RNF24: variants seen among roughly 807,000 people sequenced by gnomAD.
The protein encoded by RNF24 is ring finger protein 24.
Under a neutral mutation model 20.0 loss-of-function variants are expected in RNF24, and 14 were observed. That is an observed-to-expected ratio of 0.70 (90% CI 0.46 to 1.10). RNF24 has a LOEUF of 1.10. RNF24 is among the 50% of genes least tolerant of loss of function. RNF24 has a pLI of 0.00. For missense variants in RNF24, 124 were observed against 177.6 expected (o/e 0.70, Z 1.71); for synonymous variants, 45 against 61.1 (o/e 0.74, Z 1.23).
intron 2 of RNF24, among the ~76,000 whole-genome samples, chr20:3,963,268 C>T (rs746400182): frequency 2.0e-5 from 3 of 152,242 alleles, no homozygotes; most frequent in Non-Finnish European, 4.4e-5. Flanking sequence ...TCTTGGCTCA[C>T]TGCAACCTCC....
chr20:4,003,633 CTTTTTTTTT>C lies in RNF24; in HGVS notation c.-8+11795_-8+11803del, dbSNP rs377227990. ...TTTTGAAGGCCCATGTTAGAAACTC[CTTTTTTTTT>C]TTTTTTTTTTTTTTTTTTGAGACAG... On this transcript the variant is annotated intron_variant, in intron 1 of 5. Transcript: ENST00000358395. Among the ~76,000 whole-genome samples, 41 of 84,424 alleles carry C rather than the reference CTTTTTTTTT, an allele frequency of 4.9e-4. 1 individual carries two copies. The highest frequency in any genetic ancestry group is 1.9e-3 in the South Asian group (4 of 2,098). 55.4% of individuals were successfully genotyped at this position (84,424 alleles called of 152,430 possible).
rs572403463 is a variant in RNF24 at position 3,994,613 on chromosome 20, T to C, written c.-8+20824A>G. ...TTGGTAGCATAAAGTTGCTGAACTG[T>C]CAGTGATCCTAATTCAAAACCAAAC... On this transcript the variant is annotated intron_variant, in intron 1 of 5. Coordinates refer to ENST00000358395, the MANE Select transcript of RNF24 (RefSeq NM_001134337.3). Among the ~76,000 whole-genome samples, 20 of 152,302 alleles carry C rather than the reference T, an allele frequency of 1.3e-4. 1 individual carries two copies. The East Asian group carries it at 2.9e-3, about 22-fold the overall frequency.
chr20:3,954,237 C>T (rs557444978), intron 2 of RNF24, among the ~76,000 whole-genome samples: 10 of 152,150 alleles, frequency 6.6e-5, no homozygotes, highest in Non-Finnish European at 1.3e-4. Context: ...TCACTGATCA[C>T]TCCCCATTAC....
At chr20:3,950,460 T>A (rs956771281) in intron 2 of RNF24, among the ~76,000 whole-genome samples, 7 of 152,130 alleles carry the variant, frequency 4.6e-5, no homozygotes, top group African/African-American at 1.7e-4. Context: ...CAAGAAAGAC[T>A]CTCTCCTAGA....
Position 3,933,488 on chromosome 20 carries a change from T to C in RNF24, c.*575A>G, listed in dbSNP as rs1600613937. 3.7e-6 allele frequency: 1 copy of C among 271,234 alleles called. No homozygotes were observed. The highest frequency in any genetic ancestry group is 6.4e-5 in the East Asian group (1 of 15,554). 16.8% of individuals were successfully genotyped at this position (271,234 alleles called of 1,614,324 possible). A position where few individuals can be genotyped will look rare whatever the true frequency, so the allele number is the denominator to read the frequency against. ...AGCTTAGATGATTTGATAGCAGGTG[T>C]TGTAATCCTGAGGGGGAAATGGGTG... is the stretch of plus-strand genomic sequence containing the variant. On this transcript the variant is annotated 3_prime_UTR_variant, in exon 6 of 6. Transcript: ENST00000358395.
At chr20:3,989,584 C>G (rs1032855326) in intron 1 of RNF24, among the ~76,000 whole-genome samples, 6 of 152,158 alleles carry the variant, frequency 3.9e-5, no homozygotes, top group African/African-American at 1.4e-4. Flanking sequence ...TTGTTGTTTA[C>G]CAAATATTTT....
At chr20:3,988,268 G>A (rs1401812161) in intron 1 of RNF24, among the ~76,000 whole-genome samples, 1 of 152,006 alleles carries the variant, frequency 6.6e-6, no homozygotes, top group Non-Finnish European at 1.5e-5. Flanking sequence ...ATGCTGCAGT[G>A]AGCCGTGATC....
chr20:4,008,969 TA>T (rs1054876410), intron 1 of RNF24, among the ~76,000 whole-genome samples: 1 of 152,148 alleles, frequency 6.6e-6, no homozygotes, highest in African/African-American at 2.4e-5. Flanking sequence ...GGTGAGTAAT[TA>T]AAAAACATGG....
intron 1 of RNF24, among the ~76,000 whole-genome samples, chr20:4,006,446 T>A (rs1444067792): frequency 6.6e-6 from 1 of 150,634 alleles, no homozygotes; most frequent in Admixed American, 6.6e-5. Flanking sequence ...ATTCAAATGA[T>A]CAAAACTTTA....
intron 2 of RNF24, among the ~76,000 whole-genome samples, chr20:3,949,084 A>C (rs1295809580): frequency 1.3e-5 from 2 of 152,230 alleles, no homozygotes; most frequent in African/African-American, 4.8e-5. Context: ...GCTGGTTCAA[A>C]GTACTCACAC....
chr20:3,988,457 C>CTTT (rs71195876), intron 1 of RNF24, among the ~76,000 whole-genome samples: 3 of 99,668 alleles, frequency 3.0e-5, no homozygotes, highest in African/African-American at 8.0e-5. Context: ...AAAAGAAACT[C>CTTT]TTTTTTTTTT....
intron 1 of RNF24, among the ~76,000 whole-genome samples, chr20:3,971,709 CAT>C (rs750007280): frequency 5.3e-5 from 8 of 152,074 alleles, no homozygotes; most frequent in Non-Finnish European, 1.2e-4. Flanking sequence ...TATACAAAGA[CAT>C]ACACTCAAAA....
intron 2 of RNF24, among the ~76,000 whole-genome samples, chr20:3,955,058 G>T (rs2091127138): frequency 6.6e-6 from 1 of 152,084 alleles, no homozygotes; most frequent in Non-Finnish European, 1.5e-5. Context: ...CATCCTAGTA[G>T]GTGTGAAGTG....
chr20:3,964,103 A>C (rs1380633481), intron 1 of RNF24, 79 bp from the exon 2 acceptor site: 2 of 1,220,936 alleles, frequency 1.6e-6, no homozygotes, highest in Admixed American at 4.4e-5. Context: ...GCACGTATAG[A>C]GGCACAATGA....
intron 2 of RNF24, among the ~76,000 whole-genome samples, chr20:3,954,564 C>T (rs778599999): frequency 6.6e-6 from 1 of 151,968 alleles, no homozygotes; most frequent in East Asian, 1.9e-4. Context: ...TTTCATTTGT[C>T]TTGGGTATAT....
At chr20:4,008,629 C>T (rs1379155466) in intron 1 of RNF24, among the ~76,000 whole-genome samples, 1 of 145,506 alleles carries the variant, frequency 6.9e-6, no homozygotes, top group Non-Finnish European at 1.5e-5. Flanking sequence ...CTCACTGCAA[C>T]CTCCACCTCC....
chr20:3,997,403 T>C (rs1232402047), intron 1 of RNF24, among the ~76,000 whole-genome samples: 1 of 152,082 alleles, frequency 6.6e-6, no homozygotes, highest in Non-Finnish European at 1.5e-5. Flanking sequence ...GATCATGGAT[T>C]CTAATTCTAG....
At chr20:3,966,469 A>AGTGTGTGTGTATGTGTGTGTGTGT (rs2091259387) in intron 1 of RNF24, among the ~76,000 whole-genome samples, 1 of 129,232 alleles carries the variant, frequency 7.7e-6, no homozygotes, top group Non-Finnish European at 1.7e-5. Context: ...TTAAGGCTTT[A>AGTGTGTGTGTATGTGTGTGTGTGT]GTGTGTGTGT....
chr20:3,974,436 G>A, intron 1 of RNF24: 1 of 1,510,464 alleles, frequency 6.6e-7, no homozygotes, highest in Non-Finnish European at 8.9e-7. Context: ...GGGAATAAAA[G>A]GCATACACAT....
Sources: allele counts gnomAD v4.1 joint callset (sites outside exome capture counted in the v4.1 genomes callset), GRCh38; gene constraint gnomAD v4.1.1; transcripts MANE v1.5; gene names NCBI Gene and HGNC (gene_info 2026-07-23, HGNC 2026-07-21).